SMG7: variants seen among roughly 807,000 people sequenced by gnomAD.
SMG7 encodes nonsense-mediated mRNA decay factor SMG7.
In SMG7, 34 loss-of-function variants were observed where a neutral mutation model predicts 148.2. That is an observed-to-expected ratio of 0.23 (90% CI 0.17 to 0.31). The LOEUF (loss-of-function observed/expected upper bound fraction) is 0.31. Ranked by LOEUF, SMG7 falls within the 10% of genes least tolerant of loss-of-function variation. SMG7 has a pLI of 1.00. For missense variants in SMG7, 1,114 were observed against 1,408.4 expected (o/e 0.79, Z 3.35); for synonymous variants, 492 against 515.1 (o/e 0.96, Z 0.61).
At chr1:183,542,927 A>G (rs789175) in intron 14 of SMG7, among the ~76,000 whole-genome samples, 26,326 of 83,748 alleles carry the variant, frequency 0.31, 2,751 homozygotes, top group East Asian at 0.49. Flanking sequence ...ATATATATAT[A>G]TGTGTGTGTG....
At chr1:183,541,949 A>G in intron 13 of SMG7, 127 bp from the exon 14 acceptor site, 1 of 764,040 alleles carries the variant, frequency 1.3e-6, no homozygotes, top group South Asian at 1.9e-5. Context: ...CTGAATCCAC[A>G]TTGTTATATC....
intron 6 of SMG7, among the ~76,000 whole-genome samples, chr1:183,528,297 TTCTA>T (rs2102594164): frequency 6.6e-6 from 1 of 152,264 alleles, no homozygotes; most frequent in South Asian, 2.1e-4. Context: ...CTGATATTGT[TTCTA>T]CAACTCTGGC....
chr1:183,536,651 G>C (rs958508209), intron 10 of SMG7, among the ~76,000 whole-genome samples: 2 of 152,090 alleles, frequency 1.3e-5, no homozygotes, highest in African/African-American at 2.4e-5. Context: ...TAAGGCTTTT[G>C]TAAAAATGTG....
chr1:183,474,040 A>G (rs1651464803), intron 1 of SMG7: 1 of 210,164 alleles, frequency 4.8e-6, no homozygotes, highest in Non-Finnish European at 8.3e-6. Flanking sequence ...ATATATGCCC[A>G]GTGACCACAG....
intron 1 of SMG7, among the ~76,000 whole-genome samples, chr1:183,483,519 A>G (rs1654676096): frequency 6.6e-6 from 1 of 152,184 alleles, no homozygotes; most frequent in Non-Finnish European, 1.5e-5. Flanking sequence ...AAAAAGTAAA[A>G]AAGCATAGTG....
intron 3 of SMG7, 101 bp downstream of exon 3, chr1:183,516,092 A>G: frequency 1.4e-6 from 1 of 736,576 alleles, no homozygotes; most frequent in East Asian, 2.6e-5. Flanking sequence ...CCTGTTGCAG[A>G]ATAAACTTTT....
Position 183,549,852 on chromosome 1 carries a change from C to T in SMG7, c.3062C>T (p.Ala1021Val), listed in dbSNP as rs1670658010. The T allele has an allele frequency of 3.7e-6, 6 of 1,613,160 alleles. No homozygotes were observed. The South Asian group carries it at 4.4e-5, about 12-fold the overall frequency. ...AAAGCAGAACTCAGTCCCTCAATGG[C>T]CCCCCAGGAAACATCTCTGTATTCC... ...SSKAELSPSM[A>V]PQETSLYSLF... The change falls in exon 20 of 23, where the codon GCC becomes GTC. Residue 1021 changes from alanine (A) to valine (V), a missense_variant. By Grantham distance (64) the Ala-to-Val change is moderately conservative. Around this residue, in one of 4 missense-constraint regions of SMG7, gnomAD observed 788 missense variants for 894.5 expected, o/e 0.88. Coordinates refer to ENST00000688051, the MANE Select transcript of SMG7 (RefSeq NM_001375584.1).
chr1:183,546,163 A>G lies in SMG7; in HGVS notation c.2568A>G (p.Pro856=), dbSNP rs368095769. ...AAATGAAGCCTTTTCCCATGGAGCC[A>G]TATAACCATAATCCCTCAGAAGTCA... ...EKKMKPFPME[P]YNHNPSEVKV... Residue 856 remains proline, a synonymous_variant, in exon 17 of 23, where the codon CCA becomes CCG. Coordinates refer to ENST00000688051, the MANE Select transcript of SMG7 (RefSeq NM_001375584.1). The G allele has an allele frequency of 7.9e-5, 128 of 1,613,968 alleles. No individual in the cohort carries two copies. The highest frequency in any genetic ancestry group is 1.7e-4 in the Admixed American group (10 of 59,992).
intron 1 of SMG7, among the ~76,000 whole-genome samples, chr1:183,480,739 C>G (rs181969999): frequency 2.6e-5 from 4 of 152,094 alleles, no homozygotes; most frequent in South Asian, 2.1e-4. Context: ...AGCTCTGTTG[C>G]GTTTAGCATC....
In SMG7 at chr1:183,551,141, A is replaced by G. The variant is rs201146308; in HGVS notation, c.3401A>G (p.His1134Arg). The G allele has an allele frequency of 5.7e-6, 9 of 1,591,620 alleles. No individual in the cohort carries two copies. In the East Asian group the frequency reaches 2.0e-4, roughly 35 times the overall value. The stretch of plus-strand genomic sequence containing the variant: ...ACTCCGAGTGGCACCTGGACAGGCC[A>G]TGGCCCTTCCATGGAGGATTCCTCT... ...ASTPSGTWTG[H>R]GPSMEDSSAV... is the part of the protein sequence containing the mutation. The change falls in exon 22 of 23, where the codon CAT becomes CGT. Residue 1134 changes from histidine (H) to arginine (R), a missense_variant. Coordinates refer to ENST00000688051, the MANE Select transcript of SMG7 (RefSeq NM_001375584.1).
chr1:183,552,017 T>G lies in SMG7; in HGVS notation c.*86T>G. The G allele has an allele frequency of 6.9e-7, 1 of 1,443,046 alleles. No homozygotes were observed. Among genetic ancestry groups the G allele is most frequent in the Non-Finnish European group, 9.2e-7 (1 of 1,084,470 alleles). 89.4% of individuals were successfully genotyped at this position (1,443,046 alleles called of 1,614,324 possible). On this transcript the variant is annotated 3_prime_UTR_variant, in exon 23 of 23. Coordinates refer to ENST00000688051, the MANE Select transcript of SMG7 (RefSeq NM_001375584.1). ...ACTGGCCCACACAGTCCCCTGCAGG[T>G]GGCAGCCCTCTTTTCTGTTTCTCGC...
chr1:183,507,338 G>C (rs1466518458), intron 1 of SMG7, among the ~76,000 whole-genome samples: 1 of 152,024 alleles, frequency 6.6e-6, no homozygotes, highest in Non-Finnish European at 1.5e-5. Context: ...AAATGCTTAA[G>C]TATTGAAAGC....
At chr1:183,500,083 A>G (rs1381914427) in intron 1 of SMG7, among the ~76,000 whole-genome samples, 1 of 152,192 alleles carries the variant, frequency 6.6e-6, no homozygotes, top group Non-Finnish European at 1.5e-5. Flanking sequence ...TGTTTAATGT[A>G]AAAATTGAGA....
chr1:183,521,659 C>T (rs1261883680), intron 4 of SMG7, among the ~76,000 whole-genome samples: 2 of 151,948 alleles, frequency 1.3e-5, no homozygotes, highest in Admixed American at 1.3e-4. Context: ...ATGGGAGGAT[C>T]ACTTGAGACC....
intron 9 of SMG7, 54 bp downstream of exon 9, chr1:183,533,380 G>C (rs1667197694): frequency 1.9e-6 from 3 of 1,544,116 alleles, no homozygotes; most frequent in Non-Finnish European, 2.7e-6. Flanking sequence ...CATCATCTTA[G>C]GCATTTCATC....
chr1:183,519,292 A>T (rs1011248544), intron 4 of SMG7, among the ~76,000 whole-genome samples: 1 of 152,176 alleles, frequency 6.6e-6, no homozygotes, highest in Non-Finnish European at 1.5e-5. Context: ...TTCATTTTTG[A>T]AAGAACTCAA....
chr1:183,549,346 T>G (rs1381953265), intron 19 of SMG7, 58 bp downstream of exon 19: 1 of 1,184,698 alleles, frequency 8.4e-7, no homozygotes, highest in Non-Finnish European at 1.3e-6. Context: ...ATCATTGTCT[T>G]TCTCATACTG....
chr1:183,552,985 G>A lies in SMG7; in HGVS notation c.*1054G>A, dbSNP rs1325850375. The stretch of plus-strand genomic sequence containing the variant: ...CATCACATCTCCCCAAGAAGCAACA[G>A]CATGGGGTCCAGCAGTTGGGGCCCA... On this transcript the variant is annotated 3_prime_UTR_variant, in exon 23 of 23. Coordinates refer to ENST00000688051, the MANE Select transcript of SMG7 (RefSeq NM_001375584.1). 1 of 1,536,146 alleles carries A rather than the reference G, an allele frequency of 6.5e-7. No homozygotes were observed. Among genetic ancestry groups the A allele is most frequent in the Non-Finnish European group, 8.7e-7 (1 of 1,146,920 alleles).
In SMG7 at chr1:183,542,427, CAA is replaced by C. The variant is rs1669037878; in HGVS notation, c.1768_1769del (p.Lys590GlufsTer4). The C allele has an allele frequency of 6.2e-7, 1 of 1,613,936 alleles. No individual in the cohort carries two copies. Among genetic ancestry groups the C allele is most frequent in the Non-Finnish European group, 8.5e-7 (1 of 1,179,936 alleles). On this transcript the variant is annotated frameshift_variant, in exon 14 of 23. Coordinates refer to ENST00000688051, the MANE Select transcript of SMG7 (RefSeq NM_001375584.1). LOFTEE classifies it high-confidence loss of function. ...TKNDGKKDNN[K>X]RKTETKKCTL... ...AGAATGATGGAAAGAAGGACAACAA[CAA>C]GAGGAAAACTGAAACCAAGAAATGC... is the stretch of plus-strand genomic sequence containing the variant.
Sources: gnomAD v4.1 joint callset for allele counts (sites outside exome capture counted in the v4.1 genomes callset) on GRCh38, gnomAD v4.1.1 for gene constraint, gnomAD v4.1.1 regional missense constraint, MANE v1.5 for transcripts, NCBI Gene and HGNC (gene_info 2026-07-23, HGNC 2026-07-21) for gene names.